GUCY2C: variants seen among roughly 807,000 people sequenced by gnomAD.
The protein encoded by GUCY2C is guanylyl cyclase C.
Under a neutral mutation model 131.1 loss-of-function variants are expected in GUCY2C, and 118 were observed. That is an observed-to-expected ratio of 0.90 (90% CI 0.78 to 1.05). The LOEUF (loss-of-function observed/expected upper bound fraction) is 1.05, where lower values mean the gene tolerates loss of function less well. Ranked by LOEUF, GUCY2C falls within the 50% of genes least tolerant of loss-of-function variation. The pLI is 0.00. For missense variants in GUCY2C, 1,161 were observed against 1,304.4 expected (o/e 0.89, Z 1.69); for synonymous variants, 452 against 457.8 (o/e 0.99, Z 0.16).
intron 6 of GUCY2C, among the ~76,000 whole-genome samples, chr12:14,679,103 A>T (rs1356567242): frequency 6.6e-6 from 1 of 152,238 alleles, no homozygotes; most frequent in African/African-American, 2.4e-5. Flanking sequence ...GGCCATTAGC[A>T]ACTGAAGGAG....
intron 19 of GUCY2C, among the ~76,000 whole-genome samples, chr12:14,638,838 A>C (rs1947333547): frequency 6.6e-6 from 1 of 152,190 alleles, no homozygotes; most frequent in Non-Finnish European, 1.5e-5. Flanking sequence ...GTACATTTCA[A>C]AGCAGCTAGA....
chr12:14,695,667 A>G (rs1948643934), intron 1 of GUCY2C, among the ~76,000 whole-genome samples: 1 of 151,478 alleles, frequency 6.6e-6, no homozygotes, highest in Admixed American at 6.6e-5. Flanking sequence ...TAAAAGGCCC[A>G]GAGAAAGATT....
At chr12:14,679,818 C>A in intron 5 of GUCY2C, 65 bp from the exon 6 acceptor site, 3 of 806,000 alleles carry the variant, frequency 3.7e-6, no homozygotes, top group Non-Finnish European at 2.2e-6. Flanking sequence ...GGCAGGGAAC[C>A]AGTTGCCTGA....
intron 1 of GUCY2C, 59 bp downstream of exon 1, chr12:14,696,173 A>T (rs1948651465): frequency 7.4e-7 from 1 of 1,358,984 alleles, no homozygotes; most frequent in Non-Finnish European, 1.1e-6. Context: ...TTGCTTAGCA[A>T]CATTTTGTCC....
intron 1 of GUCY2C, among the ~76,000 whole-genome samples, chr12:14,694,161 C>T (rs1948619608): frequency 6.6e-6 from 1 of 152,184 alleles, no homozygotes; most frequent in Non-Finnish European, 1.5e-5. Flanking sequence ...TAACTAGCTG[C>T]TTAAGGTCAT....
chr12:14,696,278 C>A lies in GUCY2C; in HGVS notation c.171G>T (p.Ala57=). The change falls in exon 1 of 27, where the codon GCG becomes GCT. Residue 57 remains alanine, a synonymous_variant. Transcript: ENST00000261170. ...TCACTATTTCCAGCCCCTCATTCACCGCATCTTCCAAGTTTTTCAGGGGCT... is the reference window on the plus strand; with the variant it reads ...TCACTATTTCCAGCCCCTCATTCACAGCATCTTCCAAGTTTTTCAGGGGCT... ...FAEPLKNLED[A]VNEGLEIVRG... 1 of 1,614,094 alleles carries A rather than the reference C, an allele frequency of 6.2e-7. No homozygotes were observed. Among genetic ancestry groups the A allele is most frequent in the Non-Finnish European group, 8.5e-7 (1 of 1,179,988 alleles).
intron 8 of GUCY2C, among the ~76,000 whole-genome samples, chr12:14,674,140 T>C (rs930536136): frequency 1.3e-5 from 2 of 152,166 alleles, no homozygotes; most frequent in Non-Finnish European, 2.9e-5. Context: ...ACTAGGGGCT[T>C]GTAGGAAAGG....
At chr12:14,682,983 A>C (rs1021916328) in intron 4 of GUCY2C, 59 bp downstream of exon 4, 8 of 1,179,144 alleles carry the variant, frequency 6.8e-6, no homozygotes, top group Admixed American at 1.7e-5. Flanking sequence ...GGTGGCCTGC[A>C]TGATCCTATG....
intron 16 of GUCY2C, among the ~76,000 whole-genome samples, chr12:14,643,986 A>AT (rs953201305): frequency 2.6e-5 from 4 of 152,038 alleles, no homozygotes; most frequent in Admixed American, 6.6e-5. Flanking sequence ...CAAAGGGTTG[A>AT]TTTTTTTTAA....
At chr12:14,693,972 A>G (rs1482973191) in intron 1 of GUCY2C, among the ~76,000 whole-genome samples, 1 of 152,238 alleles carries the variant, frequency 6.6e-6, no homozygotes, top group African/African-American at 2.4e-5. Flanking sequence ...AATAAGAACA[A>G]CTACATTAAT....
Position 14,628,752 on chromosome 12 carries a change from A to T in GUCY2C, c.2158-15T>A. ...AGTAGGTACACCTGGAAGAAAAAAA[A>T]ACGGGCAAATTAGCTAAGGGGATAG... On this transcript the variant is annotated splice_polypyrimidine_tract_variant and intron_variant, in intron 19 of 26. Coordinates refer to ENST00000261170, the MANE Select transcript of GUCY2C (RefSeq NM_004963.4). 7.3e-7 allele frequency: 1 copy of T among 1,377,536 alleles called. No individual in the cohort carries two copies. The highest frequency in any genetic ancestry group is 1.0e-6 in the Non-Finnish European group (1 of 965,744). The allele number at this position is 1,377,536 out of a possible 1,614,324, so 85.3% of individuals were successfully genotyped here.
intron 8 of GUCY2C, 60 bp from the exon 9 acceptor site, chr12:14,673,018 G>T: frequency 1.1e-6 from 1 of 937,944 alleles, no homozygotes; most frequent in Non-Finnish European, 1.8e-6. Flanking sequence ...CAGATAAGTT[G>T]GATCATGACA....
At chr12:14,621,938 C>A in intron 22 of GUCY2C, 67 bp downstream of exon 22, 1 of 1,109,500 alleles carries the variant, frequency 9.0e-7, no homozygotes, top group African/African-American at 1.6e-5. Context: ...CAGAAACAAC[C>A]AATTCAGGCT....
At chr12:14,668,191 G>A (rs1173412688) in intron 10 of GUCY2C, among the ~76,000 whole-genome samples, 1 of 151,180 alleles carries the variant, frequency 6.6e-6, no homozygotes, top group African/African-American at 2.4e-5. Context: ...ATATTTTTGA[G>A]ACGGAGTCTT....
intron 11 of GUCY2C, among the ~76,000 whole-genome samples, chr12:14,659,255 G>A (rs1299175198): frequency 6.6e-6 from 1 of 152,088 alleles, no homozygotes; most frequent in East Asian, 1.9e-4. Flanking sequence ...ATGTTGGCCA[G>A]GCTGGTCTTG....
intron 20 of GUCY2C, among the ~76,000 whole-genome samples, chr12:14,627,880 C>G (rs1011540970): frequency 1.3e-5 from 2 of 152,226 alleles, no homozygotes; most frequent in Middle Eastern, 3.2e-3. Flanking sequence ...TCCACCTCAT[C>G]TCCTCCAGCT....
chr12:14,660,622 C>T (rs948895659), intron 11 of GUCY2C, among the ~76,000 whole-genome samples: 3 of 152,086 alleles, frequency 2.0e-5, no homozygotes, highest in African/African-American at 7.2e-5. Flanking sequence ...TCTATATATG[C>T]TTATTATATG....
At chr12:14,630,383 T>C (rs1411207245) in intron 19 of GUCY2C, among the ~76,000 whole-genome samples, 4 of 152,082 alleles carry the variant, frequency 2.6e-5, no homozygotes, top group Non-Finnish European at 5.9e-5. Context: ...CAGAGTGAAA[T>C]ACTGTCAGCC....
intron 24 of GUCY2C, among the ~76,000 whole-genome samples, 196 bp from the exon 25 acceptor site, chr12:14,616,923 C>T (rs1946775346): frequency 6.6e-6 from 1 of 152,174 alleles, no homozygotes; most frequent in South Asian, 2.1e-4. Context: ...TTTGTCCCCA[C>T]CCAAATCTCA....
Sources: allele counts gnomAD v4.1 joint callset (sites outside exome capture counted in the v4.1 genomes callset), GRCh38; gene constraint gnomAD v4.1.1; transcripts MANE v1.5; gene names NCBI Gene and HGNC (gene_info 2026-07-23, HGNC 2026-07-21).